The following ADGRL2 variants were observed in gnomAD, a reference collection of about 807,000 sequenced individuals.
The protein encoded by ADGRL2 is calcium-independent alpha-latrotoxin receptor 2.
A neutral mutation model predicts 157.4 loss-of-function variants in ADGRL2; 44 were observed. The observed-to-expected ratio is 0.28, with a 90% CI of 0.22 to 0.36. The LOEUF (loss-of-function observed/expected upper bound fraction) is 0.36. Ranked by LOEUF, ADGRL2 falls within the 10% of genes least tolerant of loss-of-function variation. ADGRL2 has a pLI of 1.00. For missense variants in ADGRL2, 1,510 were observed against 1,768.9 expected, an observed-to-expected ratio of 0.85 and a Z score of 2.63; for synonymous variants, 585 against 624.7, an observed-to-expected ratio of 0.94 and a Z score of 0.95.
intron 1 of ADGRL2, among the ~76,000 whole-genome samples, chr1:81,815,201 T>C (rs879906171): frequency 6.6e-6 from 1 of 151,796 alleles, no homozygotes; most frequent in African/African-American, 2.4e-5. Context: ...TTAAATCAGA[T>C]TGTTGGTTTA....
At position 81,982,330 on chromosome 1, in the gene ADGRL2, A is replaced by G. The variant is rs571036615; in HGVS notation, c.3282+354A>G. 2.0e-5 allele frequency among the ~76,000 whole-genome samples: 3 copies of G among 152,124 alleles called. No individual in the cohort carries two copies. The East Asian group carries it at 5.8e-4, about 29-fold the overall frequency. The stretch of plus-strand genomic sequence containing the variant: ...AAAGGCATTACAGTGATTCACAGTG[A>G]AATGGAGTATAAGGATAAATGATGT... On this transcript the variant is annotated intron_variant, in intron 19 of 23. Transcript: ENST00000686636.
intron 2 of ADGRL2, among the ~76,000 whole-genome samples, chr1:81,510,964 T>G (rs2079064905): frequency 6.6e-6 from 1 of 152,174 alleles, no homozygotes; most frequent in South Asian, 2.1e-4. Flanking sequence ...CTTAATCATA[T>G]TAACTCTGAA....
chr1:81,626,359 G>A (rs2081908727), intron 3 of ADGRL2, among the ~76,000 whole-genome samples: 1 of 152,172 alleles, frequency 6.6e-6, no homozygotes, highest in Admixed American at 6.5e-5. Context: ...AGGCTAGAGT[G>A]CAGAGGTGCG....
At chr1:81,583,277 A>C (rs1369838295) in intron 3 of ADGRL2, among the ~76,000 whole-genome samples, 1 of 152,216 alleles carries the variant, frequency 6.6e-6, no homozygotes, top group Non-Finnish European at 1.5e-5. Context: ...AAACTCTTTT[A>C]GTACCTGAAA....
Position 81,902,454 on chromosome 1 carries a change from C to T in ADGRL2, c.74-4563C>T, listed in dbSNP as rs548448277. On this transcript the variant is annotated intron_variant, in intron 2 of 23. Transcript: ENST00000686636. ...CTCTACTAAAAATACAAAAATTAGCCGGTCATGGTGGTGCGCACCTGTGGT... is the reference window on the plus strand; with the variant it reads ...CTCTACTAAAAATACAAAAATTAGCTGGTCATGGTGGTGCGCACCTGTGGT... Among the ~76,000 whole-genome samples, 189 of 152,030 alleles carry T rather than the reference C, an allele frequency of 1.2e-3. 1 individual carries two copies. Among genetic ancestry groups the T allele is most frequent in the South Asian group, 1.3e-3 (6 of 4,798 alleles).
Position 81,910,244 on chromosome 1 carries a change from C to CAATAATAATAATAATAATAATAAT in ADGRL2, c.287+3022_287+3045dup, listed in dbSNP as rs10631240. 2.9e-4 allele frequency among the ~76,000 whole-genome samples: 42 copies of CAATAATAATAATAATAATAATAAT among 143,056 alleles called. No homozygotes were observed. The East Asian group carries it at 3.5e-3, about 12-fold the overall frequency. 93.9% of individuals were successfully genotyped at this position (143,056 alleles called of 152,430 possible). ...ACGGAGTGAGACTCTGCCTAAAAAA[C>CAATAATAATAATAATAATAATAAT]AATAATAATAATAATAATAATAATA... is the stretch of plus-strand genomic sequence containing the variant. On this transcript the variant is annotated intron_variant, in intron 3 of 23. Coordinates refer to ENST00000686636, the MANE Select transcript of ADGRL2 (RefSeq NM_001366006.2).
intron 1 of ADGRL2, among the ~76,000 whole-genome samples, chr1:81,353,285 T>C (rs1003240726): frequency 3.3e-5 from 5 of 152,124 alleles, no homozygotes; most frequent in African/African-American, 9.7e-5. Context: ...TCAGATTGGG[T>C]CCTTTTATTC....
intron 2 of ADGRL2, among the ~76,000 whole-genome samples, chr1:81,791,061 T>G (rs1209698501): frequency 2.9e-5 from 2 of 69,572 alleles, no homozygotes; most frequent in Non-Finnish European, 5.0e-5. Context: ...AGCAAGACCC[T>G]ATCTCAAAAA....
In ADGRL2 at chr1:81,992,782, A is replaced by T. The variant is rs1287796865; in HGVS notation, c.*1637A>T. 6.6e-6 allele frequency among the ~76,000 whole-genome samples: 1 copy of T among 152,018 alleles called. No individual in the cohort carries two copies. The highest frequency in any genetic ancestry group is 1.5e-5 in the Non-Finnish European group (1 of 68,010). On this transcript the variant is annotated 3_prime_UTR_variant, in exon 24 of 24. Coordinates refer to ENST00000686636, the MANE Select transcript of ADGRL2 (RefSeq NM_001366006.2). ...GAAGTTTCTTAAACATACTTTAAGG[A>T]TTATAAATATCCCTATAGACAGCTG...
At chr1:81,505,917 TG>T (rs2078965847) in intron 2 of ADGRL2, 1 of 306,460 alleles carries the variant, frequency 3.3e-6, no homozygotes, top group Non-Finnish European at 6.4e-6. Context: ...AGCACCACGC[TG>T]TGCAAAAGAT....
chr1:81,770,980 A>G (rs1190899582), intron 2 of ADGRL2, among the ~76,000 whole-genome samples: 1 of 152,088 alleles, frequency 6.6e-6, no homozygotes, highest in East Asian at 1.9e-4. Context: ...CTCAAAACTT[A>G]CGTGTATTTT....
intron 2 of ADGRL2, among the ~76,000 whole-genome samples, chr1:81,904,885 G>A (rs1418365499): frequency 6.6e-6 from 1 of 151,948 alleles, no homozygotes; most frequent in Admixed American, 6.6e-5. Flanking sequence ...GGGGCAGGGG[G>A]AAAGAAAGAG....
At chr1:81,891,212 G>A (rs284215) in intron 2 of ADGRL2, among the ~76,000 whole-genome samples, 117,980 of 151,474 alleles carry the variant, frequency 0.78, 46,183 homozygotes, top group East Asian at 0.94. Context: ...ATTATTTAAC[G>A]TTATATTGTT....
At chr1:81,330,432 C>G (rs1032715148) in intron 1 of ADGRL2, among the ~76,000 whole-genome samples, 3 of 152,122 alleles carry the variant, frequency 2.0e-5, no homozygotes, top group Non-Finnish European at 4.4e-5. Flanking sequence ...GAATGTTCTA[C>G]TGCTGGGGAA....
chr1:81,570,305 A>T lies in ADGRL2; in HGVS notation c.-247-10571A>T, dbSNP rs1162458340. Among the ~76,000 whole-genome samples the T allele has an allele frequency of 2.0e-5, 3 of 152,320 alleles. No individual in the cohort carries two copies. The East Asian group carries it at 5.8e-4, about 29-fold the overall frequency. On this transcript the variant is annotated intron_variant, in intron 2 of 24. Coordinates refer to the ADGRL2 transcript ENST00000370721. ...TTTGTCTGTACTTACTGAATGAAGA[A>T]ACTGCACTGAAAAGCTATATCCAAC...
At chr1:81,971,260 A>G (rs974772976) in intron 16 of ADGRL2, among the ~76,000 whole-genome samples, 1 of 152,164 alleles carries the variant, frequency 6.6e-6, no homozygotes, top group African/African-American at 2.4e-5. Flanking sequence ...TGAAAAATGA[A>G]CCACTAAGTA....
At chr1:81,940,992 T>G (rs1381567742) in intron 4 of ADGRL2, among the ~76,000 whole-genome samples, 1 of 151,300 alleles carries the variant, frequency 6.6e-6, no homozygotes, top group Non-Finnish European at 1.5e-5. Flanking sequence ...ATGAAAGCAT[T>G]TACTTTTTAT....
intron 11 of ADGRL2, among the ~76,000 whole-genome samples, chr1:81,957,284 T>G (rs1468036400): frequency 6.6e-6 from 1 of 152,058 alleles, no homozygotes; most frequent in Non-Finnish European, 1.5e-5. Flanking sequence ...CAGCCTTACA[T>G]ATATAGAACA....
At chr1:81,955,338 GTTTTT>G (rs67444684) in intron 10 of ADGRL2, among the ~76,000 whole-genome samples, 1 of 149,330 alleles carries the variant, frequency 6.7e-6, no homozygotes, top group Admixed American at 6.7e-5. Context: ...ATGCCACCTT[GTTTTT>G]TTTTTATTTC....
Sources: gnomAD v4.1 joint callset for allele counts (sites outside exome capture counted in the v4.1 genomes callset) on GRCh38, gnomAD v4.1.1 for gene constraint, MANE v1.5 for transcripts, NCBI Gene and HGNC (gene_info 2026-07-23, HGNC 2026-07-21) for gene names.